The following AOPEP variants were observed in gnomAD, a reference collection of about 807,000 sequenced individuals.
AOPEP encodes aminopeptidase O (putative), also known as aminopeptidase O.
A neutral mutation model predicts 98.1 loss-of-function variants in AOPEP; 77 were observed. The observed-to-expected ratio is 0.78, with a 90% confidence interval of 0.65 to 0.95. AOPEP has a LOEUF of 0.95. Among genes scored for constraint, AOPEP ranks in the 40% least tolerant of loss-of-function variants. AOPEP has a pLI of 0.00. For missense variants in AOPEP, 1,024 were observed against 1,024.7 expected (o/e 1.00, Z 0.01); for synonymous variants, 346 against 365.3 (o/e 0.95, Z 0.60).
chr9:95,041,874 C>A (rs559968069), intron 13 of AOPEP, among the ~76,000 whole-genome samples: 1 of 152,134 alleles, frequency 6.6e-6, no homozygotes, highest in Admixed American at 6.5e-5. Flanking sequence ...TCCCCTCCCC[C>A]CAAACCCAAC....
At chr9:94,740,267 G>A (rs1189262308) in intron 1 of AOPEP, among the ~76,000 whole-genome samples, 1 of 152,074 alleles carries the variant, frequency 6.6e-6, no homozygotes, top group African/African-American at 2.4e-5. Context: ...GTGGGGTGAT[G>A]TAGGACAGTG....
intron 5 of AOPEP, among the ~76,000 whole-genome samples, chr9:94,831,610 T>C (rs556902525): frequency 6.6e-6 from 1 of 152,158 alleles, no homozygotes; most frequent in Non-Finnish European, 1.5e-5. Context: ...GGTAGTTGAA[T>C]GAAAACAGCA....
At chr9:94,758,754 A>T (rs1362155485) in intron 1 of AOPEP, among the ~76,000 whole-genome samples, 1 of 152,252 alleles carries the variant, frequency 6.6e-6, no homozygotes, top group Admixed American at 6.5e-5. Context: ...AACTAGGTAC[A>T]CAACGGGGAC....
At chr9:94,897,250 G>A (rs541394269) in intron 5 of AOPEP, among the ~76,000 whole-genome samples, 76 of 152,048 alleles carry the variant, frequency 5.0e-4, no homozygotes, top group African/African-American at 1.8e-3. Flanking sequence ...AAATGTAAAA[G>A]AATAAAACTC....
At chr9:94,967,606 T>G (rs2059284763) in intron 9 of AOPEP, 152 bp from the exon 10 acceptor site, 1 of 607,436 alleles carries the variant, frequency 1.6e-6, no homozygotes, top group South Asian at 2.2e-5. Context: ...GGGAAATTAA[T>G]AAGTTGAGTC....
At chr9:94,811,172 G>C (rs1364950475) in intron 5 of AOPEP, among the ~76,000 whole-genome samples, 1 of 152,234 alleles carries the variant, frequency 6.6e-6, no homozygotes, top group Non-Finnish European at 1.5e-5. Context: ...AACTCAGAGC[G>C]GGGGAATGGA....
At chr9:94,899,346 G>A (rs1307686373) in intron 5 of AOPEP, among the ~76,000 whole-genome samples, 3 of 147,548 alleles carry the variant, frequency 2.0e-5, no homozygotes, top group Non-Finnish European at 4.5e-5. Context: ...CACCACGCCC[G>A]GCTATTTTTT....
chr9:95,147,922 T>C, the AOPEP span, among the ~76,000 whole-genome samples: 5,605 of 152,298 alleles, frequency 0.037, 307 homozygotes, highest in African/African-American at 0.12. Flanking sequence ...TATATGAAAG[T>C]TGGCCACACA....
At chr9:95,036,435 A>G (rs1301364640) in intron 13 of AOPEP, among the ~76,000 whole-genome samples, 1 of 152,206 alleles carries the variant, frequency 6.6e-6, no homozygotes, top group Non-Finnish European at 1.5e-5. Flanking sequence ...TTAAATGACA[A>G]GAATCATAGT....
the AOPEP span, chr9:95,125,166 C>T: frequency 5.6e-6 from 9 of 1,614,022 alleles, no homozygotes; most frequent in South Asian, 5.5e-5. Flanking sequence ...AGGGCCCCAT[C>T]GGTTTCCAGG....
At chr9:94,814,800 A>G (rs900066678) in intron 5 of AOPEP, among the ~76,000 whole-genome samples, 1 of 152,228 alleles carries the variant, frequency 6.6e-6, no homozygotes, top group Non-Finnish European at 1.5e-5. Flanking sequence ...AGGATTTTGC[A>G]CTGTCGGACG....
chr9:94,962,965 C>T lies in AOPEP; in HGVS notation c.1873-4793C>T, dbSNP rs892970005. On this transcript the variant is annotated intron_variant, in intron 9 of 16. Transcript: ENST00000375315. ...TTCACCGTGTTAACCAGGATGGTCTCGACCTCCTGACCTCATGATCCGCCC... is the reference window on the plus strand; with the variant it reads ...TTCACCGTGTTAACCAGGATGGTCTTGACCTCCTGACCTCATGATCCGCCC... Among the ~76,000 whole-genome samples the T allele has an allele frequency of 2.6e-5, 4 of 151,948 alleles. No individual in the cohort carries two copies. In the South Asian group the frequency reaches 6.2e-4, roughly 24 times the overall value.
intron 13 of AOPEP, among the ~76,000 whole-genome samples, chr9:95,006,794 GT>G (rs1260829408): frequency 2.6e-5 from 4 of 151,750 alleles, no homozygotes; most frequent in African/African-American, 7.3e-5. Flanking sequence ...TGGTTTAGGT[GT>G]TTTTTTAAAT....
intron 7 of AOPEP, among the ~76,000 whole-genome samples, chr9:94,944,982 G>A (rs977414291): frequency 6.6e-6 from 1 of 152,126 alleles, no homozygotes; most frequent in African/African-American, 2.4e-5. Flanking sequence ...CCTGTAGCCT[G>A]GTGGGGTTGA....
chr9:94,763,996 A>G (rs1194520865), intron 2 of AOPEP, among the ~76,000 whole-genome samples: 2 of 152,332 alleles, frequency 1.3e-5, no homozygotes, highest in South Asian at 2.1e-4. Flanking sequence ...TGTGGACTAT[A>G]CAGTCAGTGA....
intron 5 of AOPEP, among the ~76,000 whole-genome samples, chr9:94,830,237 A>G (rs1855649200): frequency 6.6e-6 from 1 of 152,106 alleles, no homozygotes; most frequent in Non-Finnish European, 1.5e-5. Context: ...TTTCCCCACC[A>G]TGTGTCCATA....
intron 1 of AOPEP, among the ~76,000 whole-genome samples, chr9:94,741,595 A>G (rs1485271991): frequency 6.6e-6 from 1 of 152,034 alleles, no homozygotes; most frequent in African/African-American, 2.4e-5. Context: ...TTTTAAAAGC[A>G]GGGACGTGAC....
chr9:95,040,236 G>A (rs1045902608), intron 13 of AOPEP, among the ~76,000 whole-genome samples: 6 of 152,206 alleles, frequency 3.9e-5, no homozygotes, highest in African/African-American at 1.4e-4. Flanking sequence ...ACAGTTGCAC[G>A]TACAAAATCA....
chr9:94,735,035 T>C (rs1235359871), intron 1 of AOPEP, among the ~76,000 whole-genome samples: 2 of 152,210 alleles, frequency 1.3e-5, no homozygotes, highest in African/African-American at 4.8e-5. Flanking sequence ...GTTTTAAATA[T>C]TTATTCCTTG....
Sources: gnomAD v4.1 joint callset for allele counts (sites outside exome capture counted in the v4.1 genomes callset) on GRCh38, gnomAD v4.1.1 for gene constraint, MANE v1.5 for transcripts, NCBI Gene and HGNC (gene_info 2026-07-23, HGNC 2026-07-21) for gene names.